RTEL1: variants seen among roughly 807,000 people sequenced by gnomAD.
RTEL1 encodes the protein regulator of telomere elongation helicase 1.
A neutral mutation model predicts 162.2 loss-of-function variants in RTEL1; 86 were observed. The ratio of observed to expected loss-of-function variants is 0.53; its 90% CI spans 0.45 to 0.63. The LOEUF (loss-of-function observed/expected upper bound fraction) is 0.63, where lower values mean the gene tolerates loss of function less well. Ranked by LOEUF, RTEL1 falls within the 30% of genes least tolerant of loss-of-function variation. The pLI is 0.00. For synonymous variants in RTEL1, 958 were observed against 717.9 expected, an observed-to-expected ratio of 1.33 and a Z score of -5.35; for missense variants, 1,941 against 1,750.2, an observed-to-expected ratio of 1.11 and a Z score of -1.95.
intron 16 of RTEL1, chr20:63,686,133 C>T: frequency 1.8e-6 from 1 of 560,322 alleles, no homozygotes. Context: ...ACAGCCCAGC[C>T]AGGCCTCCCT....
At chr20:63,673,784 T>C (rs553931888) in intron 9 of RTEL1, among the ~76,000 whole-genome samples, 156 bp from the exon 10 acceptor site, 46 of 152,300 alleles carry the variant, frequency 3.0e-4, no homozygotes, top group Admixed American at 2.4e-3. Context: ...ACAGTCATGT[T>C]TGGACCTACT....
rs115049141 is a variant in RTEL1, at chr20:63,666,741, G to A, written c.614+662G>A. ...TGTACAGACAGGGTCTCACTCTGTT[G>A]CTCAGGCCAGTCTCCTGAGCTCGAG... On this transcript the variant is annotated intron_variant, in intron 7 of 34. Transcript: ENST00000360203. 5.7e-3 allele frequency among the ~76,000 whole-genome samples: 863 copies of A among 151,844 alleles called. 7 individuals are homozygous for A. Among genetic ancestry groups the A allele is most frequent in the African/African-American group, 0.02 (837 of 41,382 alleles).
In RTEL1 at chr20:63,688,005, C is replaced by T; in HGVS notation, c.1550C>T (p.Pro517Leu). The change falls in exon 18 of 35, where the codon CCC (proline) becomes CTC (leucine). Residue 517 changes from proline (P) to leucine (L), a missense_variant. Pro to Leu is a moderately conservative substitution (Grantham distance 98). Coordinates refer to ENST00000360203, the MANE Select transcript of RTEL1 (RefSeq NM_001283009.2). ...CACCAGATCTGGGTGGGGGTCGTCC[C>T]CAGAGGCCCCGATGGAGCCCAGTTG... ...DKHQIWVGVVPRGPDGAQLSS... is the reference protein window; with the variant it reads ...DKHQIWVGVVLRGPDGAQLSS... 6.2e-7 allele frequency: 1 copy of T among 1,612,840 alleles called. No homozygotes were observed. Among genetic ancestry groups the T allele is most frequent in the Non-Finnish European group, 8.5e-7 (1 of 1,180,002 alleles).
intron 16 of RTEL1, chr20:63,686,933 T>C (rs1318707812): frequency 1.9e-5 from 3 of 158,446 alleles, no homozygotes; most frequent in African/African-American, 7.2e-5. Flanking sequence ...TGGGCGTTTG[T>C]AGGAAATGAG....
chr20:63,670,816 C>G (rs1189870849), intron 8 of RTEL1, among the ~76,000 whole-genome samples: 1 of 134,168 alleles, frequency 7.5e-6, no homozygotes, highest in African/African-American at 2.9e-5. Flanking sequence ...GACCCCATCT[C>G]AAAAAAAAAA....
At chr20:63,681,176 G>A (rs996867828) in intron 14 of RTEL1, 3 of 985,272 alleles carry the variant, frequency 3.0e-6, no homozygotes, top group Admixed American at 6.1e-5. Context: ...GATTGGGGGT[G>A]CGACCCTGGC....
chr20:63,682,649 G>A, intron 14 of RTEL1: 1 of 985,788 alleles, frequency 1.0e-6, no homozygotes, highest in Non-Finnish European at 1.2e-6. Context: ...TGGCTCCTGA[G>A]CCCCTGCAGG....
At chr20:63,682,847 T>C (rs2090506279) in intron 14 of RTEL1, among the ~76,000 whole-genome samples, 2 of 152,254 alleles carry the variant, frequency 1.3e-5, no homozygotes, top group South Asian at 4.1e-4. Context: ...AGGCAAACTC[T>C]GGGCAGTGCT....
chr20:63,677,502 C>T (rs142754427), intron 10 of RTEL1, among the ~76,000 whole-genome samples: 87 of 152,286 alleles, frequency 5.7e-4, no homozygotes, highest in African/African-American at 2.1e-3. Flanking sequence ...ATAGTCCCAG[C>T]TAGTCGGGAG....
chr20:63,663,670 C>T (rs969988183), intron 6 of RTEL1, among the ~76,000 whole-genome samples: 6 of 152,184 alleles, frequency 3.9e-5, no homozygotes, highest in South Asian at 2.1e-4. Context: ...GTGCAGTCGG[C>T]GCGGTCTGTG....
chr20:63,679,073 CTT>C (rs775420366), intron 12 of RTEL1, among the ~76,000 whole-genome samples: 10 of 152,318 alleles, frequency 6.6e-5, no homozygotes, highest in Non-Finnish European at 1.2e-4. Flanking sequence ...GCCACCACCT[CTT>C]TTGGACTCCG....
chr20:63,693,612 TCCACCTCCACCA>T (rs1568721180), intron 30 of RTEL1, among the ~76,000 whole-genome samples: 40 of 2,718 alleles, frequency 0.015, no homozygotes, highest in East Asian at 0.09. Flanking sequence ...CACCACCACC[TCCACCTCCACCA>T]CCACCTCCAC....
At chr20:63,680,130 C>T (rs1450377687) in intron 13 of RTEL1, among the ~76,000 whole-genome samples, 184 bp downstream of exon 13, 1 of 152,244 alleles carries the variant, frequency 6.6e-6, no homozygotes, top group Non-Finnish European at 1.5e-5. Context: ...GCCGTAGAGC[C>T]TGTCCCAGTT....
chr20:63,690,482 GGA>G, intron 26 of RTEL1, 41 bp downstream of exon 26: 1 of 1,464,378 alleles, frequency 6.8e-7, no homozygotes, highest in Non-Finnish European at 9.1e-7. Flanking sequence ...TGGGGGTGGC[GGA>G]GCGGGCGGCG....
intron 6 of RTEL1, 95 bp from the exon 7 acceptor site, chr20:63,665,909 G>A (rs1182925900): frequency 6.9e-6 from 8 of 1,162,488 alleles, no homozygotes; most frequent in Middle Eastern, 4.0e-4. Context: ...AGCCCTGCCC[G>A]CCGTGTAGGA....
At chr20:63,681,456 C>A (rs758164998) in intron 14 of RTEL1, 297 of 985,182 alleles carry the variant, frequency 3.0e-4, no homozygotes, top group Non-Finnish European at 3.4e-4. Flanking sequence ...GTGCTGCCCA[C>A]GCTGTACCTG....
chr20:63,682,506 C>T lies in RTEL1; in HGVS notation c.1191+1787C>T, dbSNP rs565962397. The T allele has an allele frequency of 6.8e-5, 67 of 985,758 alleles. No individual in the cohort carries two copies. The South Asian group carries it at 2.4e-3, about 36-fold the overall frequency. The allele number at this position is 985,758 out of a possible 1,614,324, so 61.1% of individuals were successfully genotyped here. ...AGGAGAAGACTCCACACTCTGGAAC[C>T]GAATCCTGCACACTCCATCGGTTTG... On this transcript the variant is annotated intron_variant, in intron 14 of 34. Coordinates refer to ENST00000360203, the MANE Select transcript of RTEL1 (RefSeq NM_001283009.2).
intron 30 of RTEL1, 102 bp downstream of exon 30, chr20:63,693,385 C>G: frequency 7.0e-7 from 1 of 1,425,592 alleles, no homozygotes; most frequent in South Asian, 1.2e-5. Context: ...CCCTGCTTGG[C>G]CCCGCCTCTC....
rs1234195174 is a variant in RTEL1 at position 63,694,846 on chromosome 20, G to T, written c.3215G>T (p.Gly1072Val). Residue 1072 changes from glycine (G) to valine (V), a missense_variant, in exon 32 of 35, where the codon GGG (glycine) becomes GTG (valine). Transcript: ENST00000360203. ...CTGGCTGATGCCCGCAGGGCCCTGG[G>T]GTCCGCGGGCTGTAGCCAACTCTTG... ...AYLADARRAL[G>V]SAGCSQLLAA... 6.2e-7 allele frequency: 1 copy of T among 1,612,618 alleles called. No homozygotes were observed. Among genetic ancestry groups the T allele is most frequent in the Non-Finnish European group, 8.5e-7 (1 of 1,179,852 alleles).
Sources: allele counts gnomAD v4.1 joint callset (sites outside exome capture counted in the v4.1 genomes callset), GRCh38; gene constraint gnomAD v4.1.1; transcripts MANE v1.5; gene names NCBI Gene and HGNC (gene_info 2026-07-23, HGNC 2026-07-21).